The following EFCAB6 variants were observed in gnomAD, a reference collection of about 807,000 sequenced individuals.
The protein encoded by EFCAB6 is EF-hand calcium binding domain 6, also known as EF-hand calcium-binding domain-containing protein 6.
A neutral mutation model predicts 169.8 loss-of-function variants in EFCAB6; 156 were observed. The observed-to-expected ratio is 0.92, with a 90% CI of 0.81 to 1.05. The LOEUF (loss-of-function observed/expected upper bound fraction) is 1.05. Ranked by LOEUF, EFCAB6 falls within the 50% of genes least tolerant of loss-of-function variation. The probability of loss-of-function intolerance (pLI) is 0.00; values close to 1 mark genes in which losing one functional copy is unlikely to be tolerated. For synonymous variants in EFCAB6, 698 were observed against 676.4 expected (o/e 1.03, Z -0.50); for missense variants, 1,800 against 1,829.1 (o/e 0.98, Z 0.29).
At chr22:43,719,209 T>G (rs1390705881) in intron 8 of EFCAB6, among the ~76,000 whole-genome samples, 2 of 152,176 alleles carry the variant, frequency 1.3e-5, no homozygotes, top group East Asian at 3.9e-4. Flanking sequence ...CAGTGACGCC[T>G]CTCTCACCAC....
intron 23 of EFCAB6, among the ~76,000 whole-genome samples, chr22:43,591,330 A>G (rs926268334): frequency 2.5e-4 from 38 of 151,180 alleles, no homozygotes; most frequent in African/African-American, 8.2e-4. Context: ...GGCGGTGGGC[A>G]CCTGTAATCC....
chr22:43,560,550 G>T (rs928827260), intron 26 of EFCAB6, among the ~76,000 whole-genome samples: 2 of 152,218 alleles, frequency 1.3e-5, no homozygotes, highest in Non-Finnish European at 2.9e-5. Flanking sequence ...ATGCTCTCAG[G>T]AGGGAACACC....
rs2054982369 is a variant in EFCAB6 at position 43,632,023 on chromosome 22, C to T, written c.2232+82G>A. The T allele has an allele frequency of 3.8e-5, 59 of 1,555,732 alleles. 2 individuals carry two copies. In the South Asian group the frequency reaches 6.8e-4, roughly 18 times the overall value. On this transcript the variant is annotated intron_variant, in intron 19 of 31. Coordinates refer to ENST00000262726, the MANE Select transcript of EFCAB6 (RefSeq NM_022785.4). ...TGGGCTGACTGGGACATGACCTACA[C>T]CAGGACTCACACCCACTTGGGCTGC...
At chr22:43,792,654 C>T (rs964454624) in intron 2 of EFCAB6, among the ~76,000 whole-genome samples, 3 of 152,120 alleles carry the variant, frequency 2.0e-5, no homozygotes, top group Non-Finnish European at 4.4e-5. Context: ...TATTCTTCTT[C>T]CCACATCATA....
intron 9 of EFCAB6, among the ~76,000 whole-genome samples, chr22:43,716,241 T>C (rs1158119991): frequency 2.0e-5 from 3 of 152,166 alleles, no homozygotes; most frequent in Non-Finnish European, 1.5e-5. Flanking sequence ...GGATAGCAAA[T>C]TATCTCAATA....
At chr22:43,751,761 A>C (rs570453107) in intron 6 of EFCAB6, among the ~76,000 whole-genome samples, 434 of 152,354 alleles carry the variant, frequency 2.8e-3, no homozygotes, top group Non-Finnish European at 4.5e-3. Flanking sequence ...ACTGGGTCTA[A>C]CTACAGGTGT....
chr22:43,631,449 C>T lies in EFCAB6; in HGVS notation c.2232+656G>A, dbSNP rs561785721. On this transcript the variant is annotated intron_variant, in intron 19 of 31. Coordinates refer to ENST00000262726, the MANE Select transcript of EFCAB6 (RefSeq NM_022785.4). ...ACATGCTTTTCCCCAGAGCCCATGC[C>T]TCATCTGTCCCGGCCTGGCTCAGGC... 4.1e-4 allele frequency among the ~76,000 whole-genome samples: 63 copies of T among 152,144 alleles called. 1 individual carries two copies. Among genetic ancestry groups the T allele is most frequent in the Middle Eastern group, 3.4e-3 (1 of 294 alleles).
intron 17 of EFCAB6, among the ~76,000 whole-genome samples, chr22:43,643,109 T>C (rs2055909994): frequency 6.6e-6 from 1 of 152,088 alleles, no homozygotes; most frequent in Non-Finnish European, 1.5e-5. Flanking sequence ...TTCCCAAGGA[T>C]CGCCACGAAA....
chr22:43,732,899 A>G (rs1447637414), intron 7 of EFCAB6, among the ~76,000 whole-genome samples: 1 of 152,186 alleles, frequency 6.6e-6, no homozygotes, highest in Non-Finnish European at 1.5e-5. Context: ...CTAAAAATTG[A>G]TGGTTTTTAA....
At chr22:43,728,299 T>C (rs2059811231) in intron 8 of EFCAB6, among the ~76,000 whole-genome samples, 1 of 152,230 alleles carries the variant, frequency 6.6e-6, no homozygotes, top group Admixed American at 6.5e-5. Context: ...ATTTTCTTTA[T>C]CCAGTCTATC....
intron 10 of EFCAB6, among the ~76,000 whole-genome samples, chr22:43,707,512 A>G (rs969627348): frequency 3.3e-5 from 5 of 152,174 alleles, no homozygotes; most frequent in Non-Finnish European, 7.3e-5. Context: ...AAGAAAAAAA[A>G]TCTTAAAAAA....
intron 12 of EFCAB6, among the ~76,000 whole-genome samples, chr22:43,680,788 T>C (rs1222834910): frequency 6.6e-6 from 1 of 152,240 alleles, no homozygotes. Flanking sequence ...GATTTTTGTA[T>C]GTTAATCTTA....
intron 2 of EFCAB6, among the ~76,000 whole-genome samples, chr22:43,796,732 T>C (rs1230166240): frequency 6.6e-6 from 1 of 152,188 alleles, no homozygotes; most frequent in Non-Finnish European, 1.5e-5. Context: ...GCACATCCTA[T>C]TTATAGTCAA....
chr22:43,641,714 G>A (rs1352193817), intron 17 of EFCAB6, among the ~76,000 whole-genome samples: 2 of 152,156 alleles, frequency 1.3e-5, no homozygotes, highest in Non-Finnish European at 2.9e-5. Context: ...GACAGGGACT[G>A]TGAGGTGCCA....
intron 26 of EFCAB6, 82 bp from the exon 27 acceptor site, chr22:43,555,178 T>C: frequency 6.9e-7 from 1 of 1,452,936 alleles, no homozygotes; most frequent in Non-Finnish European, 9.4e-7. Context: ...CAGGGCAAGT[T>C]GCAGGGAGAC....
At chr22:43,746,442 T>G (rs1324514148) in intron 6 of EFCAB6, among the ~76,000 whole-genome samples, 1 of 152,222 alleles carries the variant, frequency 6.6e-6, no homozygotes, top group East Asian at 1.9e-4. Context: ...AGAGGGAAAC[T>G]CGTGCTTATA....
At chr22:43,580,334 C>A (rs1602398276) in intron 25 of EFCAB6, 130 bp downstream of exon 25, 1 of 951,574 alleles carries the variant, frequency 1.1e-6, no homozygotes. Flanking sequence ...CACATAAAAA[C>A]TCTGCTCATG....
intron 26 of EFCAB6, among the ~76,000 whole-genome samples, chr22:43,573,671 TG>T (rs1369345352): frequency 7.1e-6 from 1 of 141,624 alleles, no homozygotes; most frequent in East Asian, 2.1e-4. Flanking sequence ...GTGGAGGTTG[TG>T]GTAAGCCAAG....
chr22:43,664,956 G>A (rs1418178832), intron 17 of EFCAB6, among the ~76,000 whole-genome samples: 2 of 152,172 alleles, frequency 1.3e-5, no homozygotes, highest in African/African-American at 4.8e-5. Flanking sequence ...GATGCTGGGG[G>A]GAGCAGTGGA....
Sources: gnomAD v4.1 joint callset for allele counts (sites outside exome capture counted in the v4.1 genomes callset) on GRCh38, gnomAD v4.1.1 for gene constraint, MANE v1.5 for transcripts, NCBI Gene and HGNC (gene_info 2026-07-23, HGNC 2026-07-21) for gene names.